The following NRXN3 variants were observed in gnomAD, a reference collection of about 807,000 sequenced individuals.
NRXN3 encodes the protein neurexin 3, also known as neurexin III.
A neutral mutation model predicts 137.6 loss-of-function variants in NRXN3; 32 were observed. The ratio of observed to expected loss-of-function variants is 0.23; its 90% CI spans 0.18 to 0.31. The LOEUF (loss-of-function observed/expected upper bound fraction) is 0.31. NRXN3 is among the 10% of genes least tolerant of loss of function. NRXN3 has a pLI of 1.00. For synonymous variants in NRXN3, 798 were observed against 784.5 expected, an observed-to-expected ratio of 1.02 and a Z score of -0.29; for missense variants, 1,574 against 2,062.5, an observed-to-expected ratio of 0.76 and a Z score of 4.59.
At chr14:79,208,029 A>G (rs1282779742) in intron 15 of NRXN3, among the ~76,000 whole-genome samples, 1 of 152,204 alleles carries the variant, frequency 6.6e-6, no homozygotes, top group Non-Finnish European at 1.5e-5. Flanking sequence ...CCCAGAGGGT[A>G]TAAAGAGGAA....
At chr14:79,843,442 T>C (rs575370149) in intron 20 of NRXN3, among the ~76,000 whole-genome samples, 45 of 152,310 alleles carry the variant, frequency 3.0e-4, no homozygotes, top group African/African-American at 1.1e-3. Context: ...ATGTGGGTGC[T>C]GAAGGTTGGG....
intron 15 of NRXN3, among the ~76,000 whole-genome samples, chr14:79,183,192 ATT>A (rs1375375880): frequency 7.2e-5 from 11 of 152,318 alleles, no homozygotes; most frequent in Non-Finnish European, 1.0e-4. Context: ...TATTTGATTC[ATT>A]TAATTTTAAA....
intron 4 of NRXN3, among the ~76,000 whole-genome samples, chr14:78,641,931 C>T (rs74064167): frequency 0.036 from 5,519 of 152,166 alleles, 363 homozygotes; most frequent in African/African-American, 0.13. Flanking sequence ...GCCATTTTTT[C>T]CCCTGTGGCC....
At chr14:79,523,975 C>A (rs968994829) in intron 16 of NRXN3, among the ~76,000 whole-genome samples, 6 of 152,140 alleles carry the variant, frequency 3.9e-5, no homozygotes, top group African/African-American at 7.2e-5. Context: ...GCTGTAGGAG[C>A]TTTTTCTATT....
At chr14:79,194,466 A>G (rs12434843) in intron 15 of NRXN3, among the ~76,000 whole-genome samples, 5,432 of 152,262 alleles carry the variant, frequency 0.036, 235 homozygotes, top group East Asian at 0.21. Flanking sequence ...GCTTCTGGAA[A>G]TTTCTAGCAC....
intron 16 of NRXN3, among the ~76,000 whole-genome samples, chr14:79,482,312 C>T (rs1248689262): frequency 6.6e-6 from 1 of 152,196 alleles, no homozygotes; most frequent in Non-Finnish European, 1.5e-5. Flanking sequence ...AGGTCTCTTT[C>T]ACTGTCATAA....
chr14:79,777,559 T>C (rs1358682432), intron 19 of NRXN3, among the ~76,000 whole-genome samples: 3 of 152,040 alleles, frequency 2.0e-5, no homozygotes, highest in Admixed American at 6.6e-5. Context: ...TGGAAAAGTA[T>C]ATCACAAGGC....
intron 17 of NRXN3, among the ~76,000 whole-genome samples, chr14:79,686,451 G>A (rs2098695456): frequency 2.0e-5 from 3 of 152,068 alleles, no homozygotes; most frequent in South Asian, 4.2e-4. Context: ...AGCCTTAGGT[G>A]AGTGTTAGGG....
At chr14:78,979,819 A>G (rs1216948457) in intron 14 of NRXN3, among the ~76,000 whole-genome samples, 2 of 151,638 alleles carry the variant, frequency 1.3e-5, no homozygotes, top group Non-Finnish European at 2.9e-5. Flanking sequence ...GTGTAGGGGA[A>G]CTCCCCTTTA....
At chr14:78,372,142 A>C (rs2086950838) in intron 4 of NRXN3, among the ~76,000 whole-genome samples, 2 of 148,464 alleles carry the variant, frequency 1.3e-5, no homozygotes, top group African/African-American at 4.9e-5. Context: ...TCCACATTTT[A>C]TTGTTTTCCT....
intron 6 of NRXN3, among the ~76,000 whole-genome samples, chr14:78,684,843 A>G (rs12432833): frequency 0.11 from 16,356 of 152,242 alleles, 922 homozygotes; most frequent in Admixed American, 0.15. Context: ...CCCCAAGAGT[A>G]TTGAAAGCTG....
At position 78,846,556 on chromosome 14, in the gene NRXN3, G is replaced by A. The variant is rs116193315; in HGVS notation, c.2275+36212G>A. On this transcript the variant is annotated intron_variant, in intron 10 of 20. Transcript: ENST00000335750. Reference sequence around the variant, plus strand: ...ATGATTGGGTTTTGCTCATAAACAGGTGGTTATAAAGTTGCAATCCTTCCA... The same window carrying A: ...ATGATTGGGTTTTGCTCATAAACAGATGGTTATAAAGTTGCAATCCTTCCA... 6.4e-4 allele frequency among the ~76,000 whole-genome samples: 98 copies of A among 152,190 alleles called. 1 individual carries two copies. The highest frequency in any genetic ancestry group is 2.3e-3 in the African/African-American group (97 of 41,532).
intron 16 of NRXN3, among the ~76,000 whole-genome samples, chr14:79,583,527 G>GCATAGCA (rs2097736929): frequency 6.6e-6 from 1 of 152,000 alleles, no homozygotes; most frequent in African/African-American, 2.4e-5. Flanking sequence ...GGTAAGAAGT[G>GCATAGCA]TGCTTTTGTT....
chr14:79,377,629 A>G (rs1984716), intron 15 of NRXN3, among the ~76,000 whole-genome samples: 48,499 of 151,936 alleles, frequency 0.32, 8,591 homozygotes, highest in Middle Eastern at 0.52. Context: ...GGTGTCGTGC[A>G]CCTGTAATCC....
In NRXN3 at chr14:78,968,267, A is replaced by G. The variant is rs775038146; in HGVS notation, c.3063A>G (p.Ser1021=). The stretch of plus-strand genomic sequence containing the variant: ...ATGGCTTTCAGGGCTGTCTAGCATC[A>G]GTGGACTTGAATGGACGCCTGCCAG... ...SRDGFQGCLA[S]VDLNGRLPDL... The change falls in exon 14 of 21, where the codon TCA becomes TCG. Residue 1021 remains serine (S), a synonymous_variant. Coordinates refer to ENST00000335750, the MANE Select transcript of NRXN3 (RefSeq NM_001330195.2). The G allele has an allele frequency of 6.2e-7, 1 of 1,614,070 alleles. No individual in the cohort carries two copies. The highest frequency in any genetic ancestry group is 8.5e-7 in the Non-Finnish European group (1 of 1,179,998).
intron 4 of NRXN3, among the ~76,000 whole-genome samples, chr14:78,420,657 G>A (rs2093405245): frequency 6.6e-6 from 1 of 152,198 alleles, no homozygotes; most frequent in Non-Finnish European, 1.5e-5. Context: ...TGAAAACTAT[G>A]AATTTCAAGA....
chr14:79,455,315 T>C (rs2096243832), intron 15 of NRXN3, among the ~76,000 whole-genome samples: 1 of 152,282 alleles, frequency 6.6e-6, no homozygotes, highest in South Asian at 2.1e-4. Flanking sequence ...CCTTACCCTA[T>C]AATAGGAACA....
chr14:79,250,074 G>A (rs2075729456), intron 15 of NRXN3, among the ~76,000 whole-genome samples: 1 of 152,202 alleles, frequency 6.6e-6, no homozygotes, highest in Non-Finnish European at 1.5e-5. Context: ...AAGCAGAACT[G>A]TGACATGTGA....
chr14:78,714,981 T>A lies in NRXN3; in HGVS notation c.1886T>A (p.Met629Lys). The change falls in exon 8 of 21, where the codon ATG (methionine) becomes AAG (lysine). Residue 629 changes from methionine (M) to lysine (K), a missense_variant. By Grantham distance (95) the Met-to-Lys change is moderately conservative (BLOSUM62 -1). This residue lies in a region of NRXN3 where 718 missense variants were observed against 887.6 expected (regional missense o/e 0.81). Transcript: ENST00000335750. ...AAGAACATTCGACAGCTGGCAGAGA[T>A]GCAGAATGCTGCGGGTGTCAAGTCC... ...RSKNIRQLAE[M>K]QNAAGVKSSC... The A allele has an allele frequency of 1.2e-6, 2 of 1,614,178 alleles. No individual in the cohort carries two copies. Among genetic ancestry groups the A allele is most frequent in the South Asian group, 2.2e-5 (2 of 91,088 alleles).
Sources: allele counts gnomAD v4.1 joint callset (sites outside exome capture counted in the v4.1 genomes callset), GRCh38; gene constraint gnomAD v4.1.1; regional missense constraint gnomAD v4.1.1; transcripts MANE v1.5; gene names NCBI Gene and HGNC (gene_info 2026-07-23, HGNC 2026-07-21).